The following KRABD3 variants were observed in gnomAD, a reference collection of about 807,000 sequenced individuals.
KRABD3 encodes the protein KRAB domain-containing protein 3.
At chr7:149,729,283 A>C in the KRABD3 span, 1 of 1,602,280 alleles carries the variant, frequency 6.2e-7, no homozygotes, top group Non-Finnish European at 8.5e-7. Flanking sequence ...ACAGGTGTTC[A>C]CCTCCAGCTG....
the KRABD3 span, among the ~76,000 whole-genome samples, chr7:149,725,153 G>C: frequency 6.6e-6 from 1 of 152,192 alleles, no homozygotes; most frequent in African/African-American, 2.4e-5. Context: ...GGCGAGAGCC[G>C]ATCAGTCTCC....
chr7:149,724,374 G>A, the KRABD3 span, among the ~76,000 whole-genome samples: 1 of 152,182 alleles, frequency 6.6e-6, no homozygotes, highest in Non-Finnish European at 1.5e-5. Flanking sequence ...TGAGTCAGGT[G>A]TGCTGGCCAT....
the KRABD3 span, chr7:149,722,413 C>G: frequency 6.2e-7 from 1 of 1,601,522 alleles, no homozygotes; most frequent in Non-Finnish European, 8.5e-7. Context: ...TTGTCTTCTC[C>G]TGCAACAGAA....
chr7:149,732,186 G>T, the KRABD3 span, among the ~76,000 whole-genome samples: 2 of 152,190 alleles, frequency 1.3e-5, no homozygotes, highest in East Asian at 1.9e-4. The surrounding 1 kb of genome is among the most constrained non-coding windows in gnomAD (Gnocchi z 4.0). Context: ...CCCCACACCA[G>T]GAACTTTGAG....
At chr7:149,729,137 A>G in the KRABD3 span, 2 of 1,376,012 alleles carry the variant, frequency 1.5e-6, no homozygotes, top group African/African-American at 2.9e-5. Flanking sequence ...CTTCTGTGGC[A>G]GCACGAGGCC....
chr7:149,731,262 G>A, the KRABD3 span, among the ~76,000 whole-genome samples: 1 of 152,208 alleles, frequency 6.6e-6, no homozygotes, highest in Non-Finnish European at 1.5e-5. Flanking sequence ...CCATTTACAG[G>A]CATTGGCCCT....
chr7:149,729,399 C>T, the KRABD3 span: 34 of 1,403,162 alleles, frequency 2.4e-5, no homozygotes, highest in South Asian at 5.1e-4. Context: ...TCGGTACTGA[C>T]AGCCCCACTT....
chr7:149,731,753 G>C, the KRABD3 span: 1 of 1,611,454 alleles, frequency 6.2e-7, no homozygotes, highest in East Asian at 2.2e-5. Flanking sequence ...CTGGAGCTTG[G>C]ACATGGAAGA....
chr7:149,718,339 G>T, the KRABD3 span, among the ~76,000 whole-genome samples: 1 of 152,020 alleles, frequency 6.6e-6, no homozygotes, highest in African/African-American at 2.4e-5. Flanking sequence ...TTAATAATTT[G>T]TTCTCACAAA....
the KRABD3 span, among the ~76,000 whole-genome samples, chr7:149,727,335 TC>T: frequency 1.3e-5 from 2 of 152,238 alleles, no homozygotes; most frequent in African/African-American, 4.8e-5. Context: ...CAGCCTGAAT[TC>T]CCAAGCCCCA....
At chr7:149,716,506 C>T in the KRABD3 span, among the ~76,000 whole-genome samples, 1 of 152,350 alleles carries the variant, frequency 6.6e-6, no homozygotes, top group Admixed American at 6.5e-5. Context: ...CTTGCTCACT[C>T]CCTCACACAC....
chr7:149,728,483 G>T, the KRABD3 span: 1 of 1,604,470 alleles, frequency 6.2e-7, no homozygotes, highest in Admixed American at 1.7e-5. Context: ...CAGAGATTGA[G>T]CTACAGTCCC....
At chr7:149,723,467 A>G in the KRABD3 span, 2 of 485,790 alleles carry the variant, frequency 4.1e-6, no homozygotes, top group Non-Finnish European at 7.4e-6. Context: ...TGTCTCAAAC[A>G]GTGACCCTGA....
At chr7:149,730,196 G>A in the KRABD3 span, 1 of 1,575,274 alleles carries the variant, frequency 6.3e-7, no homozygotes, top group Non-Finnish European at 8.6e-7. Context: ...GCGCCCTGAG[G>A]GGGATCTTGC....
At chr7:149,734,295 C>T in the KRABD3 span, 2 of 539,730 alleles carry the variant, frequency 3.7e-6, no homozygotes, top group Non-Finnish European at 6.5e-6. Context: ...TTGCTTCCCT[C>T]TCCTGTCTTT....
chr7:149,720,262 C>G, the KRABD3 span: 2 of 990,434 alleles, frequency 2.0e-6, no homozygotes, highest in African/African-American at 1.7e-5. Flanking sequence ...AAGCTTTCAC[C>G]CCTCATCCCT....
At chr7:149,724,585 G>C in the KRABD3 span, 24 of 1,221,688 alleles carry the variant, frequency 2.0e-5, no homozygotes, top group Non-Finnish European at 2.4e-5. Context: ...CCCTATAAAG[G>C]CCTCAAGGGA....
the KRABD3 span, chr7:149,719,308 G>T: frequency 2.4e-6 from 1 of 415,838 alleles, no homozygotes; most frequent in Non-Finnish European, 4.3e-6. This position sits in a 1 kb window ranked among gnomAD's most constrained non-coding sequence, Gnocchi z 5.6. Flanking sequence ...CATCTGCAGG[G>T]ACTCTGTTTC....
the KRABD3 span, chr7:149,719,572 C>T: frequency 1.9e-4 from 304 of 1,601,136 alleles, 2 homozygotes; most frequent in African/African-American, 1.5e-3. The surrounding 1 kb of genome is among the most constrained non-coding windows in gnomAD (Gnocchi z 5.6). Context: ...AGGACTTGGC[C>T]GTGCGGTTCT....
Sources: allele counts gnomAD v4.1 joint callset (sites outside exome capture counted in the v4.1 genomes callset), GRCh38; gene constraint gnomAD v4.1.1; non-coding constraint Gnocchi (gnomAD v3.1); transcripts MANE v1.5; gene names NCBI Gene and HGNC (gene_info 2026-07-23, HGNC 2026-07-21).